The following FAM3B variants were observed in gnomAD, a reference collection of about 807,000 sequenced individuals.
FAM3B encodes the protein protein FAM3B.
Under a neutral mutation model 28.4 loss-of-function variants are expected in FAM3B, and 29 were observed. The ratio of observed to expected loss-of-function variants is 1.02; its 90% CI spans 0.76 to 1.39. The LOEUF (loss-of-function observed/expected upper bound fraction) is 1.39, where lower values mean the gene tolerates loss of function less well. FAM3B is among the 40% of genes most tolerant of loss of function. FAM3B has a pLI of 0.00. For synonymous variants in FAM3B, 91 were observed against 103.0 expected (o/e 0.88, Z 0.71); for missense variants, 266 against 293.9 (o/e 0.91, Z 0.69).
At chr21:41,329,024 C>T (rs2088880835) in intron 2 of FAM3B, among the ~76,000 whole-genome samples, 1 of 152,178 alleles carries the variant, frequency 6.6e-6, no homozygotes, top group South Asian at 2.1e-4. Context: ...TTAATTAATT[C>T]GTTGACAGCA....
chr21:41,352,658 G>T (rs139971169), intron 7 of FAM3B, among the ~76,000 whole-genome samples: 1,696 of 152,176 alleles, frequency 0.011, 12 homozygotes, highest in Middle Eastern at 0.024. Context: ...GCCAGGCATG[G>T]TGGCGGGCGC....
chr21:41,309,165 A>AGCATCATCC (rs1218936969), intron 1 of FAM3B, among the ~76,000 whole-genome samples: 2 of 152,256 alleles, frequency 1.3e-5, no homozygotes, highest in African/African-American at 4.8e-5. Context: ...GTGAGCACAC[A>AGCATCATCC]GCATCATCCG....
At chr21:41,324,210 A>G (rs2088836085) in intron 2 of FAM3B, among the ~76,000 whole-genome samples, 1 of 152,246 alleles carries the variant, frequency 6.6e-6, no homozygotes. Flanking sequence ...CAGACCTGTC[A>G]GAGACAAGAT....
chr21:41,355,370 C>A (rs114002959), intron 7 of FAM3B, among the ~76,000 whole-genome samples: 4,056 of 152,096 alleles, frequency 0.027, 79 homozygotes, highest in Middle Eastern at 0.051. Context: ...AACTTGTGCA[C>A]AAATGTGCAT....
rs148258582 is a variant in FAM3B, at chr21:41,327,834, G to A, written c.163+4768G>A. Among the ~76,000 whole-genome samples, 889 of 152,318 alleles carry A rather than the reference G, an allele frequency of 5.8e-3. 5 individuals are homozygous for A. The highest frequency in any genetic ancestry group is 0.044 in the Middle Eastern group (13 of 294). On this transcript the variant is annotated intron_variant, in intron 2 of 7. Transcript: ENST00000357985. ...TCCTAATGACCACACCCTCCAGGAT[G>A]CAGAGGTGGTTTTATCTTTTAGGAG...
At chr21:41,310,371 CA>C (rs1247686948) in intron 1 of FAM3B, among the ~76,000 whole-genome samples, 4 of 152,206 alleles carry the variant, frequency 2.6e-5, no homozygotes, top group African/African-American at 9.6e-5. Context: ...TTGGTGCTCC[CA>C]TCTGCAGCTC....
At chr21:41,347,622 A>T (rs764478457) in intron 6 of FAM3B, among the ~76,000 whole-genome samples, 1 of 151,972 alleles carries the variant, frequency 6.6e-6, no homozygotes, top group African/African-American at 2.4e-5. Flanking sequence ...GCATGGTGGC[A>T]TGCACCTGTA....
chr21:41,344,967 T>G (rs2089042821), intron 4 of FAM3B, among the ~76,000 whole-genome samples: 1 of 152,152 alleles, frequency 6.6e-6, no homozygotes, highest in Non-Finnish European at 1.5e-5. Flanking sequence ...GGCCTTTCTC[T>G]TAGGTCTGGA....
chr21:41,316,734 T>G, upstream of FAM3B: 7 of 672,584 alleles, frequency 1.0e-5, no homozygotes, highest in Non-Finnish European at 1.5e-5. Flanking sequence ...GCACCTGCCA[T>G]TTGCCCGACT....
intron 1 of FAM3B, chr21:41,322,690 A>G: frequency 1.4e-6 from 1 of 725,714 alleles, no homozygotes; most frequent in South Asian, 1.5e-5. Flanking sequence ...CCAACAGCAA[A>G]TACAACTTGC....
At chr21:41,316,784 C>G, upstream of FAM3B, 1 of 1,267,096 alleles carries the variant, frequency 7.9e-7, no homozygotes, top group Non-Finnish European at 1.0e-6. Context: ...CCGACACGAC[C>G]GCTGCCCGCC....
In FAM3B at chr21:41,344,494, G is replaced by A. The variant is rs1481725772; in HGVS notation, c.306G>A (p.Leu102=). The A allele has an allele frequency of 3.1e-6, 5 of 1,613,964 alleles. No individual in the cohort carries two copies. The highest frequency in any genetic ancestry group is 1.3e-5 in the African/African-American group (1 of 74,932). Residue 102 remains leucine (L), a synonymous_variant, in exon 4 of 8, where the codon CTG becomes CTA. Coordinates refer to ENST00000357985, the MANE Select transcript of FAM3B (RefSeq NM_058186.4). ...FEDNLLMGEQ[L]GNVARGINIA... ...ATTTCAGACTTATGGGAGAACAGCT[G>A]GGAAATGTTGCCAGAGGAATAAACA...
intron 3 of FAM3B, among the ~76,000 whole-genome samples, chr21:41,341,994 T>C (rs1171978099): frequency 6.6e-6 from 1 of 152,240 alleles, no homozygotes. Context: ...AGTTTATGTT[T>C]CTCTGAAATA....
At chr21:41,330,262 G>A (rs754808344) in intron 2 of FAM3B, among the ~76,000 whole-genome samples, 3 of 152,238 alleles carry the variant, frequency 2.0e-5, no homozygotes, top group East Asian at 3.9e-4. Context: ...TCATCAGAGC[G>A]TTTTGGATTT....
At chr21:41,304,726 G>A (rs535431849) in intron 1 of FAM3B, among the ~76,000 whole-genome samples, 1 of 152,352 alleles carries the variant, frequency 6.6e-6, no homozygotes, top group Admixed American at 6.5e-5. Context: ...TACTTCAGGG[G>A]GAGGGTGACG....
rs559775653 is a variant in FAM3B at position 41,346,676 on chromosome 21, G to GT, written c.398-327dup. Among the ~76,000 whole-genome samples the GT allele has an allele frequency of 1.0e-3, 155 of 149,298 alleles. 1 individual carries two copies. Among genetic ancestry groups the GT allele is most frequent in the African/African-American group, 2.8e-3 (114 of 40,670 alleles). On this transcript the variant is annotated intron_variant, in intron 5 of 7. Coordinates refer to ENST00000357985, the MANE Select transcript of FAM3B (RefSeq NM_058186.4). ...TTTGGTGATCTCATTTCTAAGGAGGGTTTTTTTTTTCTACCAGGGGCTCCA... is the reference window on the plus strand; with the variant it reads ...TTTGGTGATCTCATTTCTAAGGAGGGTTTTTTTTTTTCTACCAGGGGCTCCA...
At chr21:41,343,817 G>A (rs567461813) in intron 3 of FAM3B, among the ~76,000 whole-genome samples, 1 of 152,116 alleles carries the variant, frequency 6.6e-6, no homozygotes, top group Non-Finnish European at 1.5e-5. Context: ...CAATTTAAAG[G>A]TTAAAAATTA....
At chr21:41,319,400 G>C in intron 1 of FAM3B, 1 of 152,194 alleles carries the variant, frequency 6.6e-6, no homozygotes, top group East Asian at 1.9e-4. Flanking sequence ...TGTCTGCTGG[G>C]CAGCAAGCAC....
At chr21:41,325,618 GT>G (rs2088848715) in intron 2 of FAM3B, among the ~76,000 whole-genome samples, 1 of 152,110 alleles carries the variant, frequency 6.6e-6, no homozygotes, top group Non-Finnish European at 1.5e-5. Flanking sequence ...ATTTTAATTT[GT>G]TTTAAAACTT....
Sources: allele counts gnomAD v4.1 joint callset (sites outside exome capture counted in the v4.1 genomes callset), GRCh38; gene constraint gnomAD v4.1.1; transcripts MANE v1.5; gene names NCBI Gene and HGNC (gene_info 2026-07-23, HGNC 2026-07-21).